Variants in ANKRD26 observed in about 807,000 individuals in gnomAD.
The protein encoded by ANKRD26 is ankyrin repeat domain-containing protein 26.
ANKRD26 carries 141 observed loss-of-function variants against 208.7 expected under a neutral mutation model. The observed-to-expected ratio is 0.68, with a 90% CI of 0.59 to 0.78. The LOEUF (loss-of-function observed/expected upper bound fraction) is 0.78, where lower values mean the gene tolerates loss of function less well. ANKRD26 is among the 30% of genes least tolerant of loss of function. The pLI is 0.00. For missense variants in ANKRD26, 1,889 were observed against 1,938.7 expected (o/e 0.97, Z 0.48); for synonymous variants, 636 against 660.4 (o/e 0.96, Z 0.57).
intron 5 of ANKRD26, among the ~76,000 whole-genome samples, chr10:26,993,661 T>C (rs975303992): frequency 6.6e-6 from 1 of 152,200 alleles, no homozygotes; most frequent in African/African-American, 2.4e-5. Context: ...CTCTTAAGTG[T>C]ATTTTCAATG....
intron 21 of ANKRD26, among the ~76,000 whole-genome samples, chr10:27,038,375 G>A (rs2054112677): frequency 6.6e-6 from 1 of 152,140 alleles, no homozygotes; most frequent in Non-Finnish European, 1.5e-5. Context: ...TTGGCTGGGT[G>A]CCAGTAGTTC....
intron 20 of ANKRD26, among the ~76,000 whole-genome samples, chr10:27,041,898 TATTATA>T (rs1203921521): frequency 6.6e-6 from 1 of 152,032 alleles, no homozygotes; most frequent in Non-Finnish European, 1.5e-5. Context: ...GAAAGCAAAC[TATTATA>T]ATTATACCAT....
chr10:26,972,846 T>G (rs954317753), downstream of ANKRD26, among the ~76,000 whole-genome samples: 3 of 152,098 alleles, frequency 2.0e-5, no homozygotes, highest in Middle Eastern at 3.2e-3. Flanking sequence ...CGCCTCAGCC[T>G]CCCAAAGTTC....
At chr10:26,971,675 C>CA (rs1170237211), downstream of ANKRD26, among the ~76,000 whole-genome samples, 23,317 of 89,146 alleles carry the variant, frequency 0.26, 2,561 homozygotes, top group East Asian at 0.32. Context: ...GACCATGTCT[C>CA]AAAAAAAAAA....
the ANKRD26 span, among the ~76,000 whole-genome samples, chr10:26,948,678 T>C: frequency 6.6e-6 from 1 of 152,228 alleles, no homozygotes; most frequent in Non-Finnish European, 1.5e-5. Flanking sequence ...TTATTCTCAA[T>C]GGTTACAAGA....
chr10:27,054,411 G>A (rs1041495010), intron 15 of ANKRD26, among the ~76,000 whole-genome samples: 2 of 151,928 alleles, frequency 1.3e-5, no homozygotes, highest in Non-Finnish European at 2.9e-5. Context: ...ATGATGAAAT[G>A]CCCTGTCTAC....
At chr10:26,986,756 T>C (rs1589167650) in intron 3 of ANKRD26, among the ~76,000 whole-genome samples, 1 of 152,228 alleles carries the variant, frequency 6.6e-6, no homozygotes, top group African/African-American at 2.4e-5. Flanking sequence ...GTTAGAATGG[T>C]GATCATTAAA....
chr10:27,077,553 CA>C lies in ANKRD26; in HGVS notation c.875-14del. ...TATGTTGCTTCTACTACAGTAAAAA[CA>C]AAATAAAGAGTAAATGAAAATATAT... On this transcript the variant is annotated splice_polypyrimidine_tract_variant and intron_variant, in intron 8 of 33. Coordinates refer to ENST00000376087, the MANE Select transcript of ANKRD26 (RefSeq NM_014915.3). 2 of 1,612,818 alleles carry C rather than the reference CA, an allele frequency of 1.2e-6. No individual in the cohort carries two copies. The highest frequency in any genetic ancestry group is 1.7e-6 in the Non-Finnish European group (2 of 1,179,024).
intron 27 of ANKRD26, 54 bp from the exon 28 acceptor site, chr10:27,024,613 C>T (rs1484236052): frequency 4.8e-6 from 5 of 1,036,802 alleles, no homozygotes; most frequent in Non-Finnish European, 7.4e-6. Flanking sequence ...CACTTTTTTT[C>T]TTAAAACTAT....
chr10:27,046,838 A>G (rs1387613467), intron 17 of ANKRD26, among the ~76,000 whole-genome samples: 2 of 152,146 alleles, frequency 1.3e-5, no homozygotes, highest in South Asian at 2.1e-4. Context: ...ATGAAAAGAT[A>G]TATCTGAACA....
the ANKRD26 span, among the ~76,000 whole-genome samples, chr10:26,949,515 A>G: frequency 6.6e-6 from 1 of 151,806 alleles, no homozygotes; most frequent in Non-Finnish European, 1.5e-5. Flanking sequence ...TTATTAATTT[A>G]TTTATTTTTG....
At chr10:26,955,426 C>T in the ANKRD26 span, among the ~76,000 whole-genome samples, 3 of 145,534 alleles carry the variant, frequency 2.1e-5, no homozygotes, top group Non-Finnish European at 4.5e-5. Flanking sequence ...GAAACTCCAT[C>T]TCAAAAAAAA....
At chr10:27,050,882 T>C (rs571465298) in intron 16 of ANKRD26, among the ~76,000 whole-genome samples, 1 of 152,324 alleles carries the variant, frequency 6.6e-6, no homozygotes, top group Admixed American at 6.5e-5. Flanking sequence ...ACAAAGATTT[T>C]GAGAATGTTT....
Position 27,029,033 on chromosome 10 carries a change from T to G in ANKRD26, c.3879-88A>C, listed in dbSNP as rs1389172208. On this transcript the variant is annotated intron_variant, in intron 26 of 33. Coordinates refer to ENST00000376087, the MANE Select transcript of ANKRD26 (RefSeq NM_014915.3). ...CTTAGCAAACACCTGAAGGCATAATTACATAAATTCTTAAAGATTTCAAAA... is the reference window on the plus strand; with the variant it reads ...CTTAGCAAACACCTGAAGGCATAATGACATAAATTCTTAAAGATTTCAAAA... 3 of 1,161,080 alleles carry G rather than the reference T, an allele frequency of 2.6e-6. No homozygotes were observed. In the East Asian group the frequency reaches 7.7e-5, roughly 30 times the overall value. 71.9% of individuals were successfully genotyped at this position (1,161,080 alleles called of 1,614,324 possible).
exon 6 of ANKRD26, among the ~76,000 whole-genome samples, chr10:26,975,220 C>A (rs78988496): frequency 6.6e-6 from 1 of 151,906 alleles, no homozygotes; most frequent in Non-Finnish European, 1.5e-5. Flanking sequence ...TATGTCTACA[C>A]ACAGTTTCTT....
chr10:27,083,785 C>T (rs916078108), intron 5 of ANKRD26, among the ~76,000 whole-genome samples: 4 of 152,212 alleles, frequency 2.6e-5, no homozygotes, highest in Admixed American at 2.6e-4. Context: ...AAACTAGAGG[C>T]CACAAGCCAA....
At chr10:27,074,005 AAAAT>A (rs903125684) in intron 9 of ANKRD26, among the ~76,000 whole-genome samples, 2 of 152,182 alleles carry the variant, frequency 1.3e-5, no homozygotes, top group African/African-American at 4.8e-5. Flanking sequence ...CAAGGGGGGA[AAAAT>A]AAATAAAAAA....
At chr10:27,043,625 A>G (rs1283815900) in intron 19 of ANKRD26, 58 bp from the exon 20 acceptor site, 2 of 1,525,416 alleles carry the variant, frequency 1.3e-6, no homozygotes, top group Non-Finnish European at 1.8e-6. Context: ...GCACATACAG[A>G]AGTGGTAATT....
chr10:26,949,645 C>G, the ANKRD26 span, among the ~76,000 whole-genome samples: 2 of 152,170 alleles, frequency 1.3e-5, no homozygotes, highest in East Asian at 3.8e-4. Flanking sequence ...GCTGGGATTA[C>G]AGGTGCCTGC....
Sources: allele counts gnomAD v4.1 joint callset (sites outside exome capture counted in the v4.1 genomes callset), GRCh38; gene constraint gnomAD v4.1.1; transcripts MANE v1.5; gene names NCBI Gene and HGNC (gene_info 2026-07-23, HGNC 2026-07-21).